The following ESF1 variants were observed in gnomAD, a reference collection of about 807,000 sequenced individuals.
The protein encoded by ESF1 is ESF1 nucleolar pre-rRNA processing protein.
In ESF1, 58 loss-of-function variants were observed where a neutral mutation model predicts 92.0. The observed-to-expected ratio is 0.63, with a 90% confidence interval of 0.51 to 0.78. The LOEUF (loss-of-function observed/expected upper bound fraction) is 0.78, where lower values mean the gene tolerates loss of function less well. ESF1 is among the 30% of genes least tolerant of loss of function. The probability of loss-of-function intolerance (pLI) is 0.00; values close to 1 mark genes in which losing one functional copy is unlikely to be tolerated. For missense variants in ESF1, 922 were observed against 989.1 expected (o/e 0.93, Z 0.91); for synonymous variants, 321 against 313.7 (o/e 1.02, Z -0.24).
chr20:13,719,048 T>A, intron 11 of ESF1, 64 bp from the exon 12 acceptor site: 1 of 1,120,468 alleles, frequency 8.9e-7, no homozygotes, highest in Non-Finnish European at 1.3e-6. Flanking sequence ...ATTCTGTTTA[T>A]ACTAGGAACA....
At chr20:13,727,865 T>C (rs750804547) in intron 11 of ESF1, among the ~76,000 whole-genome samples, 14 of 152,272 alleles carry the variant, frequency 9.2e-5, no homozygotes, top group Admixed American at 2.6e-4. Flanking sequence ...ATAGATGCTT[T>C]TGTATGTTTC....
chr20:13,721,095 C>G (rs1054812311), intron 11 of ESF1, among the ~76,000 whole-genome samples: 1 of 152,044 alleles, frequency 6.6e-6, no homozygotes, highest in African/African-American at 2.4e-5. Flanking sequence ...TGCACTCCAG[C>G]CTGGGCAACA....
At chr20:13,763,491 C>T (rs1313148946) in intron 8 of ESF1, among the ~76,000 whole-genome samples, 1 of 152,186 alleles carries the variant, frequency 6.6e-6, no homozygotes, top group Admixed American at 6.5e-5. Flanking sequence ...CACAAGTGTA[C>T]ATAAAAAGTT....
chr20:13,729,495 AAGG>A (rs1158591480), intron 10 of ESF1, among the ~76,000 whole-genome samples: 2 of 152,222 alleles, frequency 1.3e-5, no homozygotes, highest in Admixed American at 6.5e-5. Context: ...AGAAGATCTG[AAGG>A]AGAAGAATAC....
Position 13,776,108 on chromosome 20 carries a change from C to A in ESF1, c.800G>T (p.Gly267Val), listed in dbSNP as rs758965325. 5 of 1,613,846 alleles carry A rather than the reference C, an allele frequency of 3.1e-6. No homozygotes were observed. The African/African-American group carries it at 4.0e-5, about 13-fold the overall frequency. The part of the protein sequence containing the change: ...NEITSVGRAS[G>V]DDDGSEDDEE... The stretch of plus-strand genomic sequence containing the variant: ...ATCATCTTCACTTCCATCGTCATCA[C>A]CTGAAGCTCTACCAACACTTGTAAT... Residue 267 changes from glycine (G) to valine (V), a missense_variant, in exon 3 of 14, where the codon GGT becomes GTT. Transcript: ENST00000617257.
chr20:13,740,472 C>A (rs1363136815), intron 9 of ESF1, among the ~76,000 whole-genome samples: 1 of 152,014 alleles, frequency 6.6e-6, no homozygotes, highest in African/African-American at 2.4e-5. Context: ...AATTACCCAG[C>A]ACGTTGTAGA....
chr20:13,778,663 A>G (rs1347172102), intron 2 of ESF1, among the ~76,000 whole-genome samples: 3 of 152,196 alleles, frequency 2.0e-5, no homozygotes, highest in African/African-American at 7.2e-5. Flanking sequence ...GGGTTATATA[A>G]TAATAAAGTG....
At chr20:13,755,166 T>C (rs1489140592) in intron 9 of ESF1, among the ~76,000 whole-genome samples, 1 of 152,200 alleles carries the variant, frequency 6.6e-6, no homozygotes, top group African/African-American at 2.4e-5. Context: ...ATTCAGTAAG[T>C]ATTTGATGGA....
At chr20:13,738,276 C>A (rs902770757) in intron 9 of ESF1, among the ~76,000 whole-genome samples, 9 of 151,504 alleles carry the variant, frequency 5.9e-5, no homozygotes, top group Non-Finnish European at 8.8e-5. Flanking sequence ...CAGGATCTTA[C>A]AATTTCTTGT....
chr20:13,768,169 C>G (rs1009528281), intron 7 of ESF1, among the ~76,000 whole-genome samples: 8 of 152,188 alleles, frequency 5.3e-5, no homozygotes, highest in African/African-American at 1.4e-4. Flanking sequence ...CAATGCCATA[C>G]AGTGCCCACC....
intron 11 of ESF1, among the ~76,000 whole-genome samples, chr20:13,723,204 G>C (rs2049879522): frequency 6.6e-6 from 1 of 152,194 alleles, no homozygotes; most frequent in Non-Finnish European, 1.5e-5. Flanking sequence ...CTGGAGGGCA[G>C]ATGGATGTGG....
At chr20:13,731,440 G>T (rs1236330685) in intron 10 of ESF1, among the ~76,000 whole-genome samples, 1 of 151,208 alleles carries the variant, frequency 6.6e-6, no homozygotes, top group Non-Finnish European at 1.5e-5. Flanking sequence ...GCTGAGGCAG[G>T]AGAATGGTGT....
chr20:13,769,800 A>C, intron 7 of ESF1, 107 bp downstream of exon 7: 1 of 799,304 alleles, frequency 1.3e-6, no homozygotes, highest in Non-Finnish European at 2.0e-6. Context: ...AAAAATAATA[A>C]CAAAAAAATT....
chr20:13,771,581 G>T, intron 5 of ESF1, 98 bp from the exon 6 acceptor site: 1 of 994,708 alleles, frequency 1.0e-6, no homozygotes. Context: ...CATATTACAA[G>T]CTGGCCTTCA....
At chr20:13,728,346 C>T (rs1478992476) in intron 11 of ESF1, 32 bp downstream of exon 11, 2 of 1,519,190 alleles carry the variant, frequency 1.3e-6, no homozygotes, top group Non-Finnish European at 1.8e-6. Context: ...CTTTAGATTC[C>T]AGTTGAAAAC....
intron 2 of ESF1, among the ~76,000 whole-genome samples, chr20:13,779,215 A>C (rs1319123250): frequency 1.3e-5 from 2 of 152,102 alleles, no homozygotes; most frequent in African/African-American, 2.4e-5. Context: ...TTCAAACAAA[A>C]AACAAAAAAA....
chr20:13,748,867 G>A (rs1047414409), intron 9 of ESF1, among the ~76,000 whole-genome samples: 4 of 151,804 alleles, frequency 2.6e-5, no homozygotes, highest in African/African-American at 9.7e-5. Context: ...GATTAAAGGC[G>A]TGAGCCACCA....
intron 7 of ESF1, among the ~76,000 whole-genome samples, chr20:13,768,251 A>G (rs1172150860): frequency 1.3e-5 from 2 of 152,182 alleles, no homozygotes; most frequent in African/African-American, 2.4e-5. Flanking sequence ...ACGGTGATTT[A>G]TCACACAGGA....
At chr20:13,768,545 G>A (rs920740487) in intron 7 of ESF1, among the ~76,000 whole-genome samples, 33 of 151,658 alleles carry the variant, frequency 2.2e-4, no homozygotes, top group African/African-American at 6.8e-4. Flanking sequence ...TTGCACCACC[G>A]TACTCCAGCC....
Sources: allele counts gnomAD v4.1 joint callset (sites outside exome capture counted in the v4.1 genomes callset), GRCh38; gene constraint gnomAD v4.1.1; transcripts MANE v1.5; gene names NCBI Gene and HGNC (gene_info 2026-07-23, HGNC 2026-07-21).